TMCO4: variants seen among roughly 807,000 people sequenced by gnomAD.
TMCO4 encodes transmembrane and coiled-coil domain-containing protein 4.
A neutral mutation model predicts 64.7 loss-of-function variants in TMCO4; 58 were observed. That is an observed-to-expected ratio of 0.90 (90% CI 0.73 to 1.12). TMCO4 has a LOEUF of 1.12. Ranked by LOEUF, TMCO4 falls within the 50% of genes most tolerant of loss-of-function variation. The pLI, the probability that TMCO4 is intolerant of heterozygous loss-of-function variation, is 0.00. For synonymous variants in TMCO4, 325 were observed against 346.1 expected (o/e 0.94, Z 0.68); for missense variants, 780 against 825.9 (o/e 0.94, Z 0.68).
chr1:19,699,455 G>C (rs975595293), intron 14 of TMCO4, among the ~76,000 whole-genome samples: 1 of 148,336 alleles, frequency 6.7e-6, no homozygotes, highest in African/African-American at 2.5e-5. Flanking sequence ...TTGCATCAAA[G>C]TCTTTGTCCA....
chr1:19,698,935 G>A (rs1234457750), intron 14 of TMCO4, among the ~76,000 whole-genome samples: 5 of 152,194 alleles, frequency 3.3e-5, no homozygotes, highest in African/African-American at 4.8e-5. Flanking sequence ...AGTGGCTCAC[G>A]CCTGTAATCC....
At chr1:19,789,818 C>T (rs746207727) in intron 2 of TMCO4, among the ~76,000 whole-genome samples, 2 of 151,762 alleles carry the variant, frequency 1.3e-5, no homozygotes, top group East Asian at 2.0e-4. Context: ...TTTGGGAGGC[C>T]GAGGCAGGTG....
Position 19,682,667 on chromosome 1 carries a change from G to A in TMCO4, c.*373C>T, listed in dbSNP as rs1305826046. On this transcript the variant is annotated 3_prime_UTR_variant, in exon 16 of 16. Transcript: ENST00000294543. ...GGGAGAGCTGGTGTGGGAGCCTCAG[G>A]CCCCAGAGAGCCCTCGGGACCTCCT... 1.4e-6 allele frequency: 1 copy of A among 717,566 alleles called. No homozygotes were observed. The highest frequency in any genetic ancestry group is 2.6e-6 in the Non-Finnish European group (1 of 385,088). 44.4% of individuals were successfully genotyped at this position (717,566 alleles called of 1,614,324 possible). A position where few individuals can be genotyped will look rare whatever the true frequency, so the allele number is the denominator to read the frequency against.
At chr1:19,686,051 T>A (rs2095147018) in intron 15 of TMCO4, among the ~76,000 whole-genome samples, 1 of 152,174 alleles carries the variant, frequency 6.6e-6, no homozygotes. Flanking sequence ...CTAAAGCCTG[T>A]TCTCTTCAGA....
chr1:19,709,116 G>A (rs2095317202), intron 13 of TMCO4, among the ~76,000 whole-genome samples: 3 of 152,178 alleles, frequency 2.0e-5, no homozygotes, highest in African/African-American at 7.2e-5. Flanking sequence ...AAGCCCCGCA[G>A]TGGAATGAGG....
chr1:19,702,502 C>T (rs968892649), intron 13 of TMCO4, among the ~76,000 whole-genome samples: 18 of 151,708 alleles, frequency 1.2e-4, no homozygotes, highest in Non-Finnish European at 1.5e-4. Context: ...GGCTGAGGCG[C>T]GAAAATTGCT....
intron 6 of TMCO4, among the ~76,000 whole-genome samples, chr1:19,759,181 T>C (rs1044939570): frequency 6.6e-6 from 1 of 151,452 alleles, no homozygotes; most frequent in South Asian, 2.1e-4. Flanking sequence ...TTGCTCTTAG[T>C]TCTTGTTTCC....
At chr1:19,773,312 G>T (rs1213369115) in intron 4 of TMCO4, among the ~76,000 whole-genome samples, 1 of 152,212 alleles carries the variant, frequency 6.6e-6, no homozygotes, top group Admixed American at 6.5e-5. Context: ...ACCCTGGGGA[G>T]GGAAGGGAGG....
In TMCO4 at chr1:19,740,791, T is replaced by A. The variant is rs1220946621; in HGVS notation, c.1028A>T (p.Tyr343Phe). 1.2e-6 allele frequency: 2 copies of A among 1,612,370 alleles called. No homozygotes were observed. Among genetic ancestry groups the A allele is most frequent in the South Asian group, 2.2e-5 (2 of 90,774 alleles). ...GGGGCACTTACCAGACAACACTGTG[T>A]ACTTTAGGGCCTCCTGGGCCACCAT... ...ANMVAQEALKYTVLSGIVAAL... is the reference protein window; with the variant it reads ...ANMVAQEALKFTVLSGIVAAL... The change falls in exon 11 of 16, where the codon TAC becomes TTC. Residue 343 changes from tyrosine (Y) to phenylalanine (F), a missense_variant. Physicochemically the swap from Tyr to Phe is conservative, Grantham distance 22 (BLOSUM62 3). Transcript: ENST00000294543.
rs2041736642 is a variant in TMCO4, at chr1:19,745,583, G to A, written c.826C>T (p.Gln276Ter). 1 of 1,614,122 alleles carries A rather than the reference G, an allele frequency of 6.2e-7. No individual in the cohort carries two copies. Among genetic ancestry groups the A allele is most frequent in the Non-Finnish European group, 8.5e-7 (1 of 1,180,014 alleles). ...FTFLPLTEGR[Q>*]LHITIAVTGW... is the part of the protein sequence containing the mutation. ...GTGACGGCGATGGTGATGTGCAGCT[G>A]CCTGCCCTCCGTCAGAGGCAGAAAC... The change falls in exon 10 of 16, where the codon CAG becomes TAG. Residue 276 changes from glutamine (Q) to a stop codon, truncating the protein, a stop_gained. Transcript: ENST00000294543. LOFTEE classifies it high-confidence loss of function.
At chr1:19,786,971 C>T (rs987658352) in intron 3 of TMCO4, 55 bp downstream of exon 3, 1 of 152,114 alleles carries the variant, frequency 6.6e-6, no homozygotes, top group African/African-American at 2.4e-5. Flanking sequence ...AGAAAGAAGA[C>T]CATTTTAAAT....
At chr1:19,707,265 T>C (rs1366912397) in intron 13 of TMCO4, among the ~76,000 whole-genome samples, 3 of 152,234 alleles carry the variant, frequency 2.0e-5, no homozygotes, top group Admixed American at 6.5e-5. Context: ...CATAAATGGC[T>C]TGGTGCCCTT....
At chr1:19,733,278 T>A (rs1281296991) in intron 13 of TMCO4, among the ~76,000 whole-genome samples, 15 of 148,128 alleles carry the variant, frequency 1.0e-4, no homozygotes, top group South Asian at 4.2e-4. Flanking sequence ...AAAAAAAAAA[T>A]TTTTTTTCTT....
At position 19,799,916 on chromosome 1, in the gene TMCO4, C is replaced by A; in HGVS notation, c.-241G>T. 1 of 151,460 alleles carries A rather than the reference C, an allele frequency of 6.6e-6. No homozygotes were observed. Among genetic ancestry groups the A allele is most frequent in the South Asian group, 1.8e-4 (1 of 5,458 alleles). 9.4% of individuals were successfully genotyped at this position (151,460 alleles called of 1,614,324 possible). A position where few individuals can be genotyped will look rare whatever the true frequency, so the allele number is the denominator to read the frequency against. ...AAACCGGCGAGCGGCTCCTCCCGCC[C>A]GGCCCGGCCCGGCCCCTCCCCTCCC... On this transcript the variant is annotated 5_prime_UTR_variant, in exon 1 of 16. Coordinates refer to ENST00000294543, the MANE Select transcript of TMCO4 (RefSeq NM_181719.7).
chr1:19,769,064 G>A (rs55835617), intron 6 of TMCO4, among the ~76,000 whole-genome samples: 17,808 of 152,140 alleles, frequency 0.12, 1,140 homozygotes, highest in Non-Finnish European at 0.13. Flanking sequence ...CAGCTCATCC[G>A]CCCTGCTGCG....
At chr1:19,749,078 T>C (rs1274828744) in intron 7 of TMCO4, among the ~76,000 whole-genome samples, 1 of 152,230 alleles carries the variant, frequency 6.6e-6, no homozygotes, top group Non-Finnish European at 1.5e-5. Flanking sequence ...CTGAAATTCA[T>C]GTCATCAGTG....
chr1:19,767,962 C>T (rs2042810176), intron 6 of TMCO4, among the ~76,000 whole-genome samples: 1 of 152,118 alleles, frequency 6.6e-6, no homozygotes, highest in South Asian at 2.1e-4. Context: ...CGTGATGGCA[C>T]ATGCCTGTAA....
At chr1:19,770,608 T>C (rs767023889) in intron 5 of TMCO4, 39 bp from the exon 6 acceptor site, 5 of 1,602,926 alleles carry the variant, frequency 3.1e-6, no homozygotes, top group Non-Finnish European at 4.3e-6. Context: ...ACAAAGCTGA[T>C]ATACGATACA....
At chr1:19,718,166 C>T (rs2095365262) in intron 13 of TMCO4, among the ~76,000 whole-genome samples, 1 of 151,864 alleles carries the variant, frequency 6.6e-6, no homozygotes, top group South Asian at 2.1e-4. Flanking sequence ...AACCCCGTCT[C>T]TACTAAAAAT....
Sources: allele counts gnomAD v4.1 joint callset (sites outside exome capture counted in the v4.1 genomes callset), GRCh38; gene constraint gnomAD v4.1.1; transcripts MANE v1.5; gene names NCBI Gene and HGNC (gene_info 2026-07-23, HGNC 2026-07-21).